The following DTD1 variants were observed in gnomAD, a reference collection of about 807,000 sequenced individuals.
DTD1 encodes the protein D-aminoacyl-tRNA deacylase 1.
In DTD1, 13 loss-of-function variants were observed where a neutral mutation model predicts 25.6. The observed-to-expected ratio is 0.51, with a 90% CI of 0.33 to 0.81. The LOEUF (loss-of-function observed/expected upper bound fraction) is 0.81, where lower values mean the gene tolerates loss of function less well. DTD1 is among the 30% of genes least tolerant of loss of function. The probability of loss-of-function intolerance (pLI) is 0.02; values close to 1 mark genes in which losing one functional copy is unlikely to be tolerated. For missense variants in DTD1, 193 were observed against 266.4 expected, an observed-to-expected ratio of 0.72 and a Z score of 1.92; for synonymous variants, 110 against 103.6, an observed-to-expected ratio of 1.06 and a Z score of -0.37.
At chr20:18,661,294 G>C (rs778804451) in intron 4 of DTD1, among the ~76,000 whole-genome samples, 2 of 151,762 alleles carry the variant, frequency 1.3e-5, no homozygotes, top group Non-Finnish European at 2.9e-5. Flanking sequence ...ATGATGCTGG[G>C]AATTTGATAG....
intron 5 of DTD1, among the ~76,000 whole-genome samples, chr20:18,753,066 A>G (rs2061326545): frequency 6.6e-6 from 1 of 152,228 alleles, no homozygotes; most frequent in Non-Finnish European, 1.5e-5. Context: ...CAGGCTTACA[A>G]ATAATTTAGA....
chr20:18,726,935 G>T (rs1390486386), intron 4 of DTD1, among the ~76,000 whole-genome samples: 1 of 152,230 alleles, frequency 6.6e-6, no homozygotes, highest in African/African-American at 2.4e-5. Context: ...GAAGTGGAAT[G>T]CTGGAGACAA....
chr20:18,626,345 G>A (rs2060758099), intron 3 of DTD1, among the ~76,000 whole-genome samples: 1 of 152,178 alleles, frequency 6.6e-6, no homozygotes, highest in African/African-American at 2.4e-5. Context: ...AGAATCTGCA[G>A]GGAGGCACTC....
At chr20:18,667,643 G>A (rs559939400) in intron 4 of DTD1, among the ~76,000 whole-genome samples, 2 of 151,588 alleles carry the variant, frequency 1.3e-5, no homozygotes, top group East Asian at 4.0e-4. Context: ...CCTGCCACAC[G>A]TTCAGGTGAC....
intron 4 of DTD1, among the ~76,000 whole-genome samples, chr20:18,727,030 G>T (rs556530217): frequency 6.6e-6 from 1 of 152,372 alleles, no homozygotes; most frequent in Admixed American, 6.5e-5. Flanking sequence ...ACTCTTGGGT[G>T]CTGGGACCCG....
At chr20:18,742,364 C>T (rs1262529948) in intron 4 of DTD1, among the ~76,000 whole-genome samples, 1 of 152,126 alleles carries the variant, frequency 6.6e-6, no homozygotes, top group Non-Finnish European at 1.5e-5. Flanking sequence ...AAAGAATAAG[C>T]CAGGGGTCCT....
chr20:18,715,385 C>T (rs1354713417), intron 4 of DTD1, among the ~76,000 whole-genome samples: 2 of 152,150 alleles, frequency 1.3e-5, no homozygotes, highest in African/African-American at 2.4e-5. Flanking sequence ...TCTGCTTCAT[C>T]TTTGGATTGT....
At chr20:18,639,146 CA>C (rs1324619758) in intron 4 of DTD1, among the ~76,000 whole-genome samples, 1 of 105,450 alleles carries the variant, frequency 9.5e-6, no homozygotes, top group Non-Finnish European at 1.9e-5. Context: ...AGTCTGGACA[CA>C]AAAGCCAGAA....
intron 4 of DTD1, among the ~76,000 whole-genome samples, chr20:18,646,956 G>C (rs1364352552): frequency 2.6e-5 from 4 of 152,160 alleles, no homozygotes; most frequent in African/African-American, 9.7e-5. Flanking sequence ...CTGACCTTCT[G>C]AGATGAACCA....
intron 4 of DTD1, among the ~76,000 whole-genome samples, chr20:18,716,356 G>T (rs939606319): frequency 3.9e-5 from 6 of 152,210 alleles, no homozygotes; most frequent in African/African-American, 1.2e-4. Flanking sequence ...TTTGTGGCAC[G>T]TGGGGTCTGA....
chr20:18,739,201 C>T (rs1600398640), intron 4 of DTD1, among the ~76,000 whole-genome samples: 1 of 152,220 alleles, frequency 6.6e-6, no homozygotes. Flanking sequence ...TTTAAGTTTG[C>T]AGGCCCTGAA....
intron 4 of DTD1, among the ~76,000 whole-genome samples, chr20:18,641,577 GTA>G (rs1166886629): frequency 1.3e-5 from 2 of 152,112 alleles, no homozygotes; most frequent in Admixed American, 1.3e-4. Flanking sequence ...AGTGTGAAGT[GTA>G]TCTCATTGTG....
intron 4 of DTD1, chr20:18,630,609 G>C (rs945094171): frequency 2.0e-5 from 3 of 152,102 alleles, no homozygotes; most frequent in Admixed American, 2.0e-4. Flanking sequence ...TGATCCACCC[G>C]CCTCGGCCTC....
chr20:18,634,387 A>T (rs1265312655), intron 4 of DTD1, among the ~76,000 whole-genome samples: 2 of 152,154 alleles, frequency 1.3e-5, no homozygotes, highest in African/African-American at 2.4e-5. Context: ...TGTTGCCATT[A>T]ATTATTTACA....
intron 5 of DTD1, among the ~76,000 whole-genome samples, chr20:18,762,939 T>C (rs1600228911): frequency 6.6e-6 from 1 of 152,176 alleles, no homozygotes; most frequent in East Asian, 1.9e-4. Context: ...TTGATAACCT[T>C]TTTCTTTTGT....
intron 4 of DTD1, among the ~76,000 whole-genome samples, chr20:18,647,799 C>G (rs955221455): frequency 6.6e-6 from 1 of 152,162 alleles, no homozygotes; most frequent in Non-Finnish European, 1.5e-5. Flanking sequence ...AGCTGTGACC[C>G]TCTTGTAGCA....
chr20:18,754,467 C>T (rs535768113), intron 5 of DTD1, among the ~76,000 whole-genome samples: 1 of 152,332 alleles, frequency 6.6e-6, no homozygotes, highest in Middle Eastern at 3.4e-3. Flanking sequence ...GACGCACATG[C>T]GTTTGGAAAT....
At chr20:18,738,570 G>A (rs959404988) in intron 4 of DTD1, among the ~76,000 whole-genome samples, 2 of 152,176 alleles carry the variant, frequency 1.3e-5, no homozygotes, top group Non-Finnish European at 2.9e-5. Context: ...CCCTGACTAT[G>A]GCCAAGGATA....
At chr20:18,748,761 C>T (rs1383576395) in intron 5 of DTD1, among the ~76,000 whole-genome samples, 1 of 152,202 alleles carries the variant, frequency 6.6e-6, no homozygotes, top group South Asian at 2.1e-4. Flanking sequence ...TTGCTTCTCT[C>T]ACGTTAATGA....
Sources: allele counts gnomAD v4.1 joint callset (sites outside exome capture counted in the v4.1 genomes callset), GRCh38; gene constraint gnomAD v4.1.1; transcripts MANE v1.5; gene names NCBI Gene and HGNC (gene_info 2026-07-23, HGNC 2026-07-21).